The following SRGAP1 variants were observed in gnomAD, a reference collection of about 807,000 sequenced individuals.
SRGAP1 encodes the protein SLIT-ROBO Rho GTPase-activating protein 1.
Under a neutral mutation model 121.9 loss-of-function variants are expected in SRGAP1, and 43 were observed. The observed-to-expected ratio is 0.35, with a 90% CI of 0.28 to 0.46. The LOEUF is 0.46. Ranked by LOEUF, SRGAP1 falls within the 20% of genes least tolerant of loss-of-function variation. The probability of loss-of-function intolerance (pLI) is 1.00; values close to 1 mark genes in which losing one functional copy is unlikely to be tolerated. For synonymous variants in SRGAP1, 447 were observed against 485.4 expected (o/e 0.92, Z 1.04); for missense variants, 1,102 against 1,350.9 (o/e 0.82, Z 2.89).
intron 1 of SRGAP1, among the ~76,000 whole-genome samples, chr12:63,891,363 T>C (rs1259878685): frequency 6.6e-6 from 1 of 152,240 alleles, no homozygotes; most frequent in Non-Finnish European, 1.5e-5. Context: ...CATACCGTTC[T>C]TTCCTACCAT....
intron 1 of SRGAP1, among the ~76,000 whole-genome samples, chr12:63,920,489 G>T (rs1329780054): frequency 6.6e-6 from 1 of 152,150 alleles, no homozygotes; most frequent in Non-Finnish European, 1.5e-5. Flanking sequence ...GGTAAATACT[G>T]TACTTTAGAC....
intron 1 of SRGAP1, among the ~76,000 whole-genome samples, chr12:63,866,170 A>G (rs1383849010): frequency 1.3e-5 from 2 of 152,180 alleles, no homozygotes; most frequent in Non-Finnish European, 2.9e-5. Context: ...TTCTTCGACA[A>G]CTTTTTGTGT....
intron 15 of SRGAP1, among the ~76,000 whole-genome samples, chr12:64,105,471 G>A (rs986998903): frequency 6.6e-6 from 1 of 152,174 alleles, no homozygotes; most frequent in African/African-American, 2.4e-5. Flanking sequence ...ATAGAAACAA[G>A]AAGATCTTGA....
chr12:64,066,809 C>T (rs2035549531), intron 8 of SRGAP1, among the ~76,000 whole-genome samples: 1 of 152,200 alleles, frequency 6.6e-6, no homozygotes, highest in Non-Finnish European at 1.5e-5. Context: ...TAGGTTTTGT[C>T]TAGGCTTCAC....
At chr12:64,114,027 CTT>C (rs5798730) in intron 17 of SRGAP1, among the ~76,000 whole-genome samples, 1 of 150,974 alleles carries the variant, frequency 6.6e-6, no homozygotes, top group African/African-American at 2.4e-5. Flanking sequence ...ACTGAAAGTA[CTT>C]TTTTTTTTAA....
chr12:64,061,697 T>G (rs2035452220), intron 6 of SRGAP1, among the ~76,000 whole-genome samples: 1 of 152,188 alleles, frequency 6.6e-6, no homozygotes, highest in South Asian at 2.1e-4. Flanking sequence ...CACCCCCAAC[T>G]TCTTCCCTCT....
intron 21 of SRGAP1, among the ~76,000 whole-genome samples, chr12:64,132,189 G>A (rs545217920): frequency 2.6e-4 from 40 of 152,286 alleles, no homozygotes; most frequent in African/African-American, 8.9e-4. Flanking sequence ...GAAAAGGAGA[G>A]CAGTTATCTG....
intron 1 of SRGAP1, among the ~76,000 whole-genome samples, chr12:63,886,086 AGTCTCACTCCGCTGCCC>A (rs1472007190): frequency 5.3e-5 from 8 of 152,264 alleles, no homozygotes; most frequent in African/African-American, 1.9e-4. Context: ...TTGGAGACCG[AGTCTCACTCCGCTGCCC>A]AGGCTGGAGT....
At chr12:64,118,002 C>T (rs1401836986) in intron 18 of SRGAP1, among the ~76,000 whole-genome samples, 1 of 152,066 alleles carries the variant, frequency 6.6e-6, no homozygotes, top group East Asian at 1.9e-4. Context: ...TTCATCTGTC[C>T]GTGGACATTT....
rs186467516 is a variant in SRGAP1 at position 64,091,471 on chromosome 12, A to G, written c.1539+93A>G. ...AAGAGGAGGAAGGTCATTATGTCCA[A>G]GTCTGTCCTGGGGCTCTTTGCTTTC... On this transcript the variant is annotated intron_variant, in intron 12 of 21. Transcript: ENST00000355086. 3.6e-6 allele frequency: 3 copies of G among 830,994 alleles called. No individual in the cohort carries two copies. In the East Asian group the frequency reaches 7.8e-5, roughly 21 times the overall value. The allele number at this position is 830,994 out of a possible 1,614,324, so 51.5% of individuals were successfully genotyped here.
rs2036126515 is a variant in SRGAP1 at position 64,094,978 on chromosome 12, T to C, written c.1586T>C (p.Phe529Ser). Residue 529 changes from phenylalanine to serine, a missense_variant, in exon 13 of 22, where the codon TTC becomes TCC. Transcript: ENST00000355086. ...IPLIVESCIR[F>S]INLYGLQHQG... ...CTCATTGTGGAAAGCTGTATTCGGTTCATCAATCTCTATGGTAAGCCATAA... is the reference window on the plus strand; with the variant it reads ...CTCATTGTGGAAAGCTGTATTCGGTCCATCAATCTCTATGGTAAGCCATAA... The C allele has an allele frequency of 1.2e-6, 2 of 1,614,134 alleles. No individual in the cohort carries two copies. Among genetic ancestry groups the C allele is most frequent in the Non-Finnish European group, 1.7e-6 (2 of 1,179,992 alleles).
chr12:63,858,183 G>GT (rs371936819), intron 1 of SRGAP1, among the ~76,000 whole-genome samples: 1 of 149,314 alleles, frequency 6.7e-6, no homozygotes, highest in East Asian at 1.9e-4. Flanking sequence ...TTTTGTGTGT[G>GT]GTGTGTGTGT....
intron 3 of SRGAP1, among the ~76,000 whole-genome samples, chr12:64,009,040 C>G (rs1029187771): frequency 7.9e-5 from 12 of 151,988 alleles, no homozygotes; most frequent in Admixed American, 6.6e-4. Flanking sequence ...GAAAAGAAGG[C>G]CAGTTGGCTT....
chr12:63,896,899 G>T (rs1284093950), intron 1 of SRGAP1, among the ~76,000 whole-genome samples: 1 of 152,176 alleles, frequency 6.6e-6, no homozygotes, highest in Non-Finnish European at 1.5e-5. Flanking sequence ...ACCTAGTTCT[G>T]TGACGAAATT....
At chr12:64,002,151 T>G (rs1297264179) in intron 3 of SRGAP1, among the ~76,000 whole-genome samples, 2 of 152,172 alleles carry the variant, frequency 1.3e-5, no homozygotes, top group African/African-American at 4.8e-5. Context: ...GAGAAGCTGT[T>G]AGCTGTGACA....
intron 1 of SRGAP1, among the ~76,000 whole-genome samples, chr12:63,963,102 C>T (rs555800885): frequency 4.6e-5 from 7 of 151,940 alleles, no homozygotes; most frequent in East Asian, 1.9e-4. Context: ...GGGTATATGC[C>T]GTGGAGAGAA....
At chr12:64,067,034 GAA>G (rs11357801) in intron 8 of SRGAP1, among the ~76,000 whole-genome samples, 1 of 149,392 alleles carries the variant, frequency 6.7e-6, no homozygotes, top group African/African-American at 2.5e-5. Context: ...TTTTTTAAAA[GAA>G]AAAAAAAAGG....
intron 4 of SRGAP1, among the ~76,000 whole-genome samples, chr12:64,022,887 GAA>G (rs2034578935): frequency 2.0e-5 from 3 of 152,146 alleles, no homozygotes; most frequent in Non-Finnish European, 2.9e-5. Flanking sequence ...ACATTCCAGT[GAA>G]GAGAGAGAGA....
intron 1 of SRGAP1, among the ~76,000 whole-genome samples, chr12:63,942,354 A>G (rs1354795355): frequency 6.6e-6 from 1 of 152,280 alleles, no homozygotes; most frequent in Admixed American, 6.5e-5. Context: ...AATGACATAT[A>G]CAATATGTCT....
Sources: allele counts gnomAD v4.1 joint callset (sites outside exome capture counted in the v4.1 genomes callset), GRCh38; gene constraint gnomAD v4.1.1; transcripts MANE v1.5; gene names NCBI Gene and HGNC (gene_info 2026-07-23, HGNC 2026-07-21).